RASA1: variants seen among roughly 807,000 people sequenced by gnomAD.
RASA1 encodes RAS p21 protein activator 1.
Under a neutral mutation model 132.2 loss-of-function variants are expected in RASA1, and 25 were observed. The observed-to-expected ratio is 0.19, with a 90% CI of 0.14 to 0.26. The LOEUF is 0.26. Among genes scored for constraint, RASA1 ranks in the 10% least tolerant of loss-of-function variants. The pLI, the probability that RASA1 is intolerant of heterozygous loss-of-function variation, is 1.00. For synonymous variants in RASA1, 477 were observed against 449.9 expected, an observed-to-expected ratio of 1.06 and a Z score of -0.76; for missense variants, 964 against 1,299.2, an observed-to-expected ratio of 0.74 and a Z score of 3.97.
At chr5:87,365,511 AAC>A (rs1760447292) in intron 11 of RASA1, among the ~76,000 whole-genome samples, 1 of 152,124 alleles carries the variant, frequency 6.6e-6, no homozygotes, top group Non-Finnish European at 1.5e-5. Context: ...TTTTTCGATT[AAC>A]AGAGAAGTTA....
At chr5:87,344,439 G>A (rs1206905193) in intron 6 of RASA1, among the ~76,000 whole-genome samples, 55 of 151,906 alleles carry the variant, frequency 3.6e-4, no homozygotes, top group East Asian at 1.9e-4. Flanking sequence ...TTATTTTGTC[G>A]TTTACTACTC....
At position 87,390,930 on chromosome 5, in the gene RASA1, G is replaced by C; in HGVS notation, c.*47G>C. ...GCATGGATTCAGCATGTCCAACATG[G>C]TAATTCACTTCAGTTTAATGTCTCC... On this transcript the variant is annotated 3_prime_UTR_variant, in exon 25 of 25. Transcript: ENST00000274376. 1 of 1,531,324 alleles carries C rather than the reference G, an allele frequency of 6.5e-7. No individual in the cohort carries two copies. The highest frequency in any genetic ancestry group is 2.3e-5 in the East Asian group (1 of 44,288). The allele number at this position is 1,531,324 out of a possible 1,614,324, so 94.9% of individuals were successfully genotyped here.
At chr5:87,381,744 C>G (rs1021597655) in intron 20 of RASA1, among the ~76,000 whole-genome samples, 2 of 152,182 alleles carry the variant, frequency 1.3e-5, no homozygotes, top group African/African-American at 4.8e-5. Flanking sequence ...TAAATTAAAA[C>G]TGTTCTATAA....
At chr5:87,283,364 A>G (rs886830599) in intron 1 of RASA1, among the ~76,000 whole-genome samples, 28 of 151,882 alleles carry the variant, frequency 1.8e-4, no homozygotes, top group African/African-American at 5.5e-4. Flanking sequence ...TCTTTTTCTC[A>G]TCCAAGTTGT....
intron 5 of RASA1, among the ~76,000 whole-genome samples, chr5:87,340,090 T>G (rs899835730): frequency 1.3e-5 from 2 of 152,184 alleles, no homozygotes; most frequent in Admixed American, 1.3e-4. Flanking sequence ...TGTCTGGCAT[T>G]AGTAGGCATT....
intron 1 of RASA1, among the ~76,000 whole-genome samples, chr5:87,317,255 T>C (rs1756414006): frequency 6.6e-6 from 1 of 152,188 alleles, no homozygotes; most frequent in Non-Finnish European, 1.5e-5. Context: ...CTTTTGTTTG[T>C]GCGTTCCAGA....
intron 1 of RASA1, among the ~76,000 whole-genome samples, chr5:87,307,751 C>A (rs142847042): frequency 7.0e-4 from 106 of 152,154 alleles, no homozygotes; most frequent in Middle Eastern, 3.4e-3. Context: ...CTCCAAGAAC[C>A]AACTTTTGTT....
chr5:87,389,476 G>C lies in RASA1; in HGVS notation c.3009G>C (p.Val1003=), dbSNP rs778423443. 3 of 1,614,154 alleles carry C rather than the reference G, an allele frequency of 1.9e-6. No individual in the cohort carries two copies. The highest frequency in any genetic ancestry group is 2.5e-6 in the Non-Finnish European group (3 of 1,179,998). ...TAGCAGCATTGCATGAGATTTGCGT[G>C]GCTCATTCAGATGAACTTCGAACGC... ...RDLAALHEIC[V]AHSDELRTLS... Residue 1003 remains valine, a synonymous_variant, in exon 24 of 25, where the codon GTG becomes GTC. Coordinates refer to ENST00000274376, the MANE Select transcript of RASA1 (RefSeq NM_002890.3).
intron 1 of RASA1, among the ~76,000 whole-genome samples, chr5:87,325,557 C>T (rs1195690348): frequency 6.6e-6 from 1 of 152,116 alleles, no homozygotes; most frequent in African/African-American, 2.4e-5. Context: ...CACAGAGTCC[C>T]AAGTGATTCA....
chr5:87,383,668 A>T, intron 20 of RASA1, 45 bp from the exon 21 acceptor site: 2 of 1,379,820 alleles, frequency 1.4e-6, no homozygotes, highest in Non-Finnish European at 2.0e-6. Flanking sequence ...CACATTATAT[A>T]GGTGTTTTCT....
At chr5:87,308,823 T>C (rs1755740616) in intron 1 of RASA1, among the ~76,000 whole-genome samples, 1 of 152,202 alleles carries the variant, frequency 6.6e-6, no homozygotes, top group South Asian at 2.1e-4. Context: ...AGCAATATGC[T>C]GTACAGGTTG....
chr5:87,365,011 A>G (rs1401026343), intron 11 of RASA1, among the ~76,000 whole-genome samples: 1 of 152,138 alleles, frequency 6.6e-6, no homozygotes, highest in Non-Finnish European at 1.5e-5. Flanking sequence ...TTCACTACTA[A>G]ATGTAGTTTA....
intron 14 of RASA1, 111 bp from the exon 15 acceptor site, chr5:87,374,727 CTG>C (rs751448717): frequency 4.5e-5 from 63 of 1,414,348 alleles, no homozygotes; most frequent in Non-Finnish European, 5.8e-5. Flanking sequence ...GTCTAGCACA[CTG>C]TTTTTTTTTT....
chr5:87,391,100 G>A lies in RASA1; in HGVS notation c.*217G>A. 3.2e-6 allele frequency: 2 copies of A among 625,788 alleles called. No homozygotes were observed. The highest frequency in any genetic ancestry group is 5.7e-6 in the Non-Finnish European group (2 of 349,570). 38.8% of individuals were successfully genotyped at this position (625,788 alleles called of 1,614,324 possible). A position where few individuals can be genotyped will look rare whatever the true frequency, so the allele number is the denominator to read the frequency against. The stretch of plus-strand genomic sequence containing the variant: ...CAGGATATTTGCACTATTTCCACAT[G>A]GAATCAATCTTTAACAACCTCTGAG... On this transcript the variant is annotated 3_prime_UTR_variant, in exon 25 of 25. Coordinates refer to ENST00000274376, the MANE Select transcript of RASA1 (RefSeq NM_002890.3).
At chr5:87,343,053 A>G (rs1758594177) in intron 6 of RASA1, among the ~76,000 whole-genome samples, 1 of 152,006 alleles carries the variant, frequency 6.6e-6, no homozygotes, top group South Asian at 2.1e-4. Flanking sequence ...TTGTTGGTTT[A>G]TTTTATGTGT....
At chr5:87,314,277 A>G (rs551144784) in intron 1 of RASA1, among the ~76,000 whole-genome samples, 1 of 152,392 alleles carries the variant, frequency 6.6e-6, no homozygotes, top group East Asian at 1.9e-4. Context: ...CATAAAGATT[A>G]CTGAATGCTG....
At chr5:87,341,449 G>A in intron 6 of RASA1, 128 bp downstream of exon 6, 1 of 472,582 alleles carries the variant, frequency 2.1e-6, no homozygotes, top group Middle Eastern at 6.2e-4. Context: ...TTTGGCTTAG[G>A]GAACTGATTT....
chr5:87,307,116 C>T (rs185209063), intron 1 of RASA1, among the ~76,000 whole-genome samples: 108 of 152,280 alleles, frequency 7.1e-4, no homozygotes, highest in East Asian at 5.2e-3. Context: ...GATCCTCCCT[C>T]GTCAGCCTCC....
rs546632867 is a variant in RASA1, at chr5:87,288,581, A to G, written c.539+19591A>G. On this transcript the variant is annotated intron_variant, in intron 1 of 24. Coordinates refer to ENST00000274376, the MANE Select transcript of RASA1 (RefSeq NM_002890.3). ...GACTCATGTAAAATGGAGCCTTATT[A>G]AGGGTTAGCTTGTCAGGTGTCATCT... Among the ~76,000 whole-genome samples, 83 of 152,254 alleles carry G rather than the reference A, an allele frequency of 5.5e-4. No homozygotes were observed. The South Asian group carries it at 0.017, about 30-fold the overall frequency.
Sources: allele counts gnomAD v4.1 joint callset (sites outside exome capture counted in the v4.1 genomes callset), GRCh38; gene constraint gnomAD v4.1.1; transcripts MANE v1.5; gene names NCBI Gene and HGNC (gene_info 2026-07-23, HGNC 2026-07-21).